The following KCNIP4 variants were observed in gnomAD, a reference collection of about 807,000 sequenced individuals.
KCNIP4 encodes Kv channel-interacting protein 4.
In KCNIP4, 12 loss-of-function variants were observed where a neutral mutation model predicts 34.0. That is an observed-to-expected ratio of 0.35 (90% CI 0.23 to 0.57). The LOEUF (loss-of-function observed/expected upper bound fraction) is 0.57. Ranked by LOEUF, KCNIP4 falls within the 20% of genes least tolerant of loss-of-function variation. The pLI is 0.83. For missense variants in KCNIP4, 238 were observed against 311.7 expected (o/e 0.76, Z 1.78); for synonymous variants, 124 against 102.2 (o/e 1.21, Z -1.29).
intron 1 of KCNIP4, among the ~76,000 whole-genome samples, chr4:21,176,891 C>A (rs1754453324): frequency 6.6e-6 from 1 of 152,188 alleles, no homozygotes; most frequent in Admixed American, 6.5e-5. Flanking sequence ...TTCCTCAGAG[C>A]CTGCTTTCAA....
intron 1 of KCNIP4, among the ~76,000 whole-genome samples, chr4:21,069,973 C>T (rs566947681): frequency 6.6e-6 from 1 of 152,142 alleles, no homozygotes; most frequent in African/African-American, 2.4e-5. Flanking sequence ...CCCACACTTT[C>T]CTTTTACAAT....
chr4:20,788,857 T>G (rs1464805005), intron 3 of KCNIP4, among the ~76,000 whole-genome samples: 2 of 152,030 alleles, frequency 1.3e-5, no homozygotes, highest in African/African-American at 4.8e-5. Context: ...GGATTTAAAT[T>G]AAGAGTATCA....
chr4:21,526,294 T>C (rs551801743), intron 1 of KCNIP4, among the ~76,000 whole-genome samples: 45 of 151,860 alleles, frequency 3.0e-4, no homozygotes, highest in Admixed American at 2.6e-3. Flanking sequence ...TAAAGGGGAG[T>C]TCCTCTGCAC....
chr4:21,410,444 A>T (rs368778997), intron 1 of KCNIP4, among the ~76,000 whole-genome samples: 1 of 152,046 alleles, frequency 6.6e-6, no homozygotes, highest in Admixed American at 6.6e-5. Context: ...TTATTCCTGC[A>T]TCACTGTCTC....
rs111952401 is a variant in KCNIP4, at chr4:20,984,847, G to A, written c.62-102138C>T. Among the ~76,000 whole-genome samples, 3 of 152,264 alleles carry A rather than the reference G, an allele frequency of 2.0e-5. 1 individual carries two copies. Among genetic ancestry groups the A allele is most frequent in the African/African-American group, 7.2e-5 (3 of 41,562 alleles). ...TCAAAGTTTCACAAACTTCCCTGAT[G>A]ATAAAAACAACCTGGGGTTGTTTAT... is the stretch of plus-strand genomic sequence containing the variant. On this transcript the variant is annotated intron_variant, in intron 1 of 8. Transcript: ENST00000382152.
chr4:20,807,571 A>T (rs181380523), intron 3 of KCNIP4, among the ~76,000 whole-genome samples: 2 of 152,288 alleles, frequency 1.3e-5, no homozygotes, highest in Admixed American at 1.3e-4. Flanking sequence ...CCTTTAAAAG[A>T]AAAAGGCTGC....
intron 1 of KCNIP4, among the ~76,000 whole-genome samples, chr4:21,899,410 C>T (rs1349189876): frequency 6.6e-6 from 1 of 151,858 alleles, no homozygotes. Context: ...CACTGTTATA[C>T]AATATAGTAC....
intron 1 of KCNIP4, among the ~76,000 whole-genome samples, chr4:20,912,722 G>A (rs866062199): frequency 6.6e-6 from 1 of 152,052 alleles, no homozygotes; most frequent in South Asian, 2.1e-4. Flanking sequence ...AAAATAGAAA[G>A]AAATTTGAAT....
At chr4:20,791,175 G>T (rs1332739827) in intron 3 of KCNIP4, among the ~76,000 whole-genome samples, 1 of 151,954 alleles carries the variant, frequency 6.6e-6, no homozygotes, top group Non-Finnish European at 1.5e-5. Context: ...AATACTGAAA[G>T]AATAAAAATA....
intron 1 of KCNIP4, among the ~76,000 whole-genome samples, chr4:21,384,788 C>A (rs1473705165): frequency 6.6e-6 from 1 of 152,194 alleles, no homozygotes; most frequent in Non-Finnish European, 1.5e-5. Flanking sequence ...ACATCTACAT[C>A]ACATAGAGAT....
chr4:21,528,775 GAAAGGAAGAAAGGAAGA>G (rs1736345034), intron 1 of KCNIP4, among the ~76,000 whole-genome samples: 1 of 12,406 alleles, frequency 8.1e-5, no homozygotes, highest in Non-Finnish European at 1.6e-4. Flanking sequence ...AAGAAAGAAA[GAAAGGAAGAAAGGAAGA>G]AAGGAAGAAA....
intron 1 of KCNIP4, among the ~76,000 whole-genome samples, chr4:21,877,355 AAAATAAATAAAT>A (rs369426118): frequency 1.3e-5 from 2 of 151,924 alleles, no homozygotes; most frequent in African/African-American, 4.8e-5. Context: ...CTCCATCTCA[AAAATAAATAAAT>A]AAATAAATAA....
intron 1 of KCNIP4, among the ~76,000 whole-genome samples, chr4:21,012,600 C>T (rs1465631075): frequency 1.3e-5 from 2 of 151,868 alleles, no homozygotes; most frequent in African/African-American, 2.4e-5. Flanking sequence ...ACAAAAACCT[C>T]CAAAACATTT....
chr4:21,157,868 G>C (rs767106314), intron 1 of KCNIP4, among the ~76,000 whole-genome samples: 6 of 151,228 alleles, frequency 4.0e-5, no homozygotes, highest in Non-Finnish European at 7.4e-5. Flanking sequence ...GAAAACAATA[G>C]AAAAAATAAA....
At chr4:20,865,932 T>A (rs1015860737) in intron 2 of KCNIP4, among the ~76,000 whole-genome samples, 17 of 152,068 alleles carry the variant, frequency 1.1e-4, no homozygotes, top group African/African-American at 2.4e-5. Flanking sequence ...TATATGTACA[T>A]CAAAACGTCA....
chr4:21,021,908 T>TAGTATAGTAC (rs1355024962), intron 1 of KCNIP4, among the ~76,000 whole-genome samples: 1 of 148,464 alleles, frequency 6.7e-6, no homozygotes, highest in African/African-American at 2.5e-5. Flanking sequence ...TAGTATAGTA[T>TAGTATAGTAC]AGTACATAAA....
At chr4:20,800,335 C>G (rs1307533440) in intron 3 of KCNIP4, among the ~76,000 whole-genome samples, 1 of 152,230 alleles carries the variant, frequency 6.6e-6, no homozygotes, top group Non-Finnish European at 1.5e-5. Flanking sequence ...ACTACACAAT[C>G]AGATGTGCAG....
At chr4:21,556,725 T>C (rs13118111) in intron 1 of KCNIP4, among the ~76,000 whole-genome samples, 65,709 of 151,262 alleles carry the variant, frequency 0.43, 14,445 homozygotes, top group East Asian at 0.66. Context: ...GTTCCAGACC[T>C]GCCTGGCCAA....
chr4:21,423,686 T>C (rs2109637035), intron 1 of KCNIP4, among the ~76,000 whole-genome samples: 1 of 152,352 alleles, frequency 6.6e-6, no homozygotes, highest in South Asian at 2.1e-4. Flanking sequence ...TTTCACAGAA[T>C]TTTAAAATAT....
Sources: allele counts gnomAD v4.1 joint callset (sites outside exome capture counted in the v4.1 genomes callset), GRCh38; gene constraint gnomAD v4.1.1; transcripts MANE v1.5; gene names NCBI Gene and HGNC (gene_info 2026-07-23, HGNC 2026-07-21).